The following ROBO2 variants were observed in gnomAD, a reference collection of about 807,000 sequenced individuals.
The protein encoded by ROBO2 is roundabout homolog 2.
ROBO2 carries 53 observed loss-of-function variants against 160.8 expected under a neutral mutation model. The ratio of observed to expected loss-of-function variants is 0.33; its 90% CI spans 0.26 to 0.41. ROBO2 has a LOEUF of 0.41. Ranked by LOEUF, ROBO2 falls within the 10% of genes least tolerant of loss-of-function variation. The probability of loss-of-function intolerance (pLI) is 1.00; values close to 1 mark genes in which losing one functional copy is unlikely to be tolerated. For synonymous variants in ROBO2, 664 were observed against 611.7 expected, an observed-to-expected ratio of 1.09 and a Z score of -1.26; for missense variants, 1,577 against 1,722.4, an observed-to-expected ratio of 0.92 and a Z score of 1.49.
chr3:77,123,258 GATA>G (rs2074963451), intron 2 of ROBO2, among the ~76,000 whole-genome samples: 2 of 152,136 alleles, frequency 1.3e-5, no homozygotes, highest in Admixed American at 1.3e-4. Context: ...TATAAAGGAA[GATA>G]ATAAGCTATA....
At chr3:76,283,280 T>A (rs1046494916) in intron 2 of ROBO2, among the ~76,000 whole-genome samples, 2 of 151,018 alleles carry the variant, frequency 1.3e-5, no homozygotes, top group African/African-American at 4.9e-5. Flanking sequence ...AGAAGTGTAT[T>A]AAGGAACCGA....
rs115721744 is a variant in ROBO2, at chr3:76,450,327, A to G, written c.109+512725A>G. On this transcript the variant is annotated intron_variant, in intron 2 of 26. Transcript: ENST00000487694. Reference sequence around the variant, plus strand: ...ATTCTCACCTTTAATAAAGTTTTATAGGTAATTGAGACTTTAACTTGTATA... The same window carrying G: ...ATTCTCACCTTTAATAAAGTTTTATGGGTAATTGAGACTTTAACTTGTATA... Among the ~76,000 whole-genome samples, 223 of 152,322 alleles carry G rather than the reference A, an allele frequency of 1.5e-3. 2 individuals carry two copies. The highest frequency in any genetic ancestry group is 5.2e-3 in the African/African-American group (217 of 41,578).
intron 2 of ROBO2, among the ~76,000 whole-genome samples, chr3:77,372,759 A>G (rs1162562274): frequency 6.6e-6 from 1 of 152,174 alleles, no homozygotes; most frequent in Non-Finnish European, 1.5e-5. Context: ...GAAAACTGTT[A>G]TCACTGGATT....
At chr3:76,570,131 C>T (rs1411027417) in intron 2 of ROBO2, among the ~76,000 whole-genome samples, 1 of 151,922 alleles carries the variant, frequency 6.6e-6, no homozygotes, top group Non-Finnish European at 1.5e-5. Context: ...GAGACCCTGC[C>T]CCCAAAAATA....
upstream of ROBO2, among the ~76,000 whole-genome samples, chr3:77,036,018 A>G (rs2063613940): frequency 6.6e-6 from 1 of 151,824 alleles, no homozygotes; most frequent in Non-Finnish European, 1.5e-5. Context: ...CGGTTTTCTT[A>G]AATTGATCAG....
intron 2 of ROBO2, among the ~76,000 whole-genome samples, chr3:76,142,263 C>T (rs991064202): frequency 3.3e-5 from 5 of 151,806 alleles, no homozygotes; most frequent in African/African-American, 9.7e-5. Context: ...ATGGAGGTTC[C>T]TCAAAAAAAC....
At chr3:76,075,725 TAGAA>T (rs1373907189) in intron 2 of ROBO2, among the ~76,000 whole-genome samples, 1 of 152,100 alleles carries the variant, frequency 6.6e-6, no homozygotes, top group East Asian at 1.9e-4. Context: ...CATGAGTCAA[TAGAA>T]AGAGCAAAAC....
chr3:77,098,818 T>G (rs1356606144), intron 2 of ROBO2, among the ~76,000 whole-genome samples: 1 of 152,054 alleles, frequency 6.6e-6, no homozygotes, highest in African/African-American at 2.4e-5. Context: ...ATCGCGCCAC[T>G]GCACTCCAGC....
At chr3:76,897,849 ATGT>A (rs1214794948) in intron 2 of ROBO2, among the ~76,000 whole-genome samples, 2 of 152,218 alleles carry the variant, frequency 1.3e-5, no homozygotes, top group Admixed American at 6.6e-5. Context: ...TATTGATAGC[ATGT>A]TGTTGTATAT....
At chr3:76,307,191 G>A (rs989526778) in intron 2 of ROBO2, among the ~76,000 whole-genome samples, 3 of 152,108 alleles carry the variant, frequency 2.0e-5, no homozygotes, top group Non-Finnish European at 4.4e-5. Flanking sequence ...CCTCAGCCTG[G>A]ATTATCCTCT....
At chr3:76,502,317 G>A (rs2080503438) in intron 2 of ROBO2, among the ~76,000 whole-genome samples, 1 of 152,156 alleles carries the variant, frequency 6.6e-6, no homozygotes, top group Non-Finnish European at 1.5e-5. Flanking sequence ...CCACTTGACT[G>A]TTATGTCACC....
At chr3:77,236,442 C>T (rs548622527) in intron 2 of ROBO2, among the ~76,000 whole-genome samples, 5 of 152,238 alleles carry the variant, frequency 3.3e-5, no homozygotes, top group African/African-American at 9.6e-5. Flanking sequence ...GGAATGATGA[C>T]GCATGTCCAA....
chr3:77,268,348 G>C (rs1378961439), intron 2 of ROBO2, among the ~76,000 whole-genome samples: 1 of 152,002 alleles, frequency 6.6e-6, no homozygotes, highest in Non-Finnish European at 1.5e-5. Context: ...CAGAAAAAAA[G>C]TACAGTGTAC....
intron 2 of ROBO2, among the ~76,000 whole-genome samples, chr3:76,786,809 A>G (rs532659047): frequency 1.3e-5 from 2 of 151,528 alleles, no homozygotes; most frequent in South Asian, 4.1e-4. Flanking sequence ...AAAGAGCTAT[A>G]TAAACTATGT....
intron 2 of ROBO2, among the ~76,000 whole-genome samples, chr3:77,274,485 A>C (rs552332441): frequency 2.6e-5 from 4 of 152,252 alleles, no homozygotes; most frequent in Admixed American, 6.5e-5. Flanking sequence ...GTTGAGTAAC[A>C]ACTTTATTTG....
chr3:77,301,147 G>C (rs564468602), intron 2 of ROBO2, among the ~76,000 whole-genome samples: 5 of 152,058 alleles, frequency 3.3e-5, no homozygotes, highest in African/African-American at 7.2e-5. Flanking sequence ...GGGATTACAG[G>C]CATGAACCAC....
chr3:75,954,290 A>G (rs1948652403), intron 2 of ROBO2, among the ~76,000 whole-genome samples: 2 of 151,888 alleles, frequency 1.3e-5, no homozygotes, highest in South Asian at 4.1e-4. Context: ...TGATACAGCT[A>G]TAAGGCTGTG....
At chr3:76,274,014 G>A (rs35003445) in intron 2 of ROBO2, among the ~76,000 whole-genome samples, 7,926 of 152,154 alleles carry the variant, frequency 0.052, 208 homozygotes, top group African/African-American at 0.063. Context: ...GGGACAGAAC[G>A]CACTCCCATG....
chr3:76,975,998 A>G (rs937012749), intron 2 of ROBO2, among the ~76,000 whole-genome samples: 19 of 152,170 alleles, frequency 1.2e-4, no homozygotes, highest in Admixed American at 8.5e-4. Flanking sequence ...AATTGGACGT[A>G]CAGAGTCTCG....
Sources: allele counts gnomAD v4.1 joint callset (sites outside exome capture counted in the v4.1 genomes callset), GRCh38; gene constraint gnomAD v4.1.1; transcripts MANE v1.5; gene names NCBI Gene and HGNC (gene_info 2026-07-23, HGNC 2026-07-21).